INPP5D: variants seen among roughly 807,000 people sequenced by gnomAD.
INPP5D encodes phosphatidylinositol 3,4,5-trisphosphate 5-phosphatase 1.
In INPP5D, 33 loss-of-function variants were observed where a neutral mutation model predicts 122.9. The observed-to-expected ratio is 0.27, with a 90% confidence interval of 0.20 to 0.36. INPP5D has a LOEUF of 0.36. Among genes scored for constraint, INPP5D ranks in the 10% least tolerant of loss-of-function variants. INPP5D has a pLI of 1.00. For missense variants in INPP5D, 1,053 were observed against 1,412.7 expected, an observed-to-expected ratio of 0.75 and a Z score of 4.08; for synonymous variants, 584 against 576.2, an observed-to-expected ratio of 1.01 and a Z score of -0.19.
At chr2:233,064,838 A>T (rs575190229) in intron 1 of INPP5D, among the ~76,000 whole-genome samples, 1 of 152,202 alleles carries the variant, frequency 6.6e-6, no homozygotes, top group South Asian at 2.1e-4. Context: ...CTGTGGTGTG[A>T]GCGGGTGGCT....
intron 2 of INPP5D, among the ~76,000 whole-genome samples, chr2:233,094,566 A>G (rs1189613123): frequency 1.3e-5 from 2 of 148,338 alleles, no homozygotes; most frequent in African/African-American, 4.9e-5. Flanking sequence ...CTGCTGGAAA[A>G]TTTAAAATTG....
intron 2 of INPP5D, among the ~76,000 whole-genome samples, chr2:233,113,238 C>T (rs937799066): frequency 1.3e-5 from 2 of 152,100 alleles, no homozygotes; most frequent in Non-Finnish European, 2.9e-5. Flanking sequence ...CTTCTAAGGC[C>T]CTCGTCATGT....
intron 2 of INPP5D, among the ~76,000 whole-genome samples, chr2:233,107,245 C>A (rs1054074978): frequency 1.1e-4 from 16 of 152,134 alleles, no homozygotes; most frequent in African/African-American, 3.9e-4. Context: ...GGAGGATGGC[C>A]TGATTCCACA....
At position 233,183,151 on chromosome 2, in the gene INPP5D, G is replaced by T. The variant is rs960103599; in HGVS notation, c.2161+652G>T. ...GCCAGGCCACCCTCATCCCAGCTGGGCCAGGTGTTCTCTGTAATGTGCCCA... is the reference window on the plus strand; with the variant it reads ...GCCAGGCCACCCTCATCCCAGCTGGTCCAGGTGTTCTCTGTAATGTGCCCA... On this transcript the variant is annotated intron_variant, in intron 19 of 26. Coordinates refer to ENST00000445964, the MANE Select transcript of INPP5D (RefSeq NM_001017915.3). The surrounding 1 kb of genome is among the most constrained non-coding windows in gnomAD (Gnocchi z 4.6). Among the ~76,000 whole-genome samples the T allele has an allele frequency of 1.3e-5, 2 of 152,146 alleles. No homozygotes were observed. Among genetic ancestry groups the T allele is most frequent in the African/African-American group, 4.8e-5 (2 of 41,428 alleles).
intron 11 of INPP5D, among the ~76,000 whole-genome samples, 165 bp from the exon 12 acceptor site, chr2:233,163,542 G>A (rs1694248193): frequency 6.6e-6 from 1 of 152,188 alleles, no homozygotes; most frequent in East Asian, 1.9e-4. Flanking sequence ...CATCCTGGGT[G>A]AGGTTGGCGC....
intron 1 of INPP5D, among the ~76,000 whole-genome samples, chr2:233,068,217 A>AT (rs1691277285): frequency 6.7e-6 from 1 of 149,504 alleles, no homozygotes; most frequent in Non-Finnish European, 1.5e-5. Flanking sequence ...CTTGGGAGGC[A>AT]GAGGTTGTGG....
At chr2:233,139,034 G>C (rs1289830275) in intron 5 of INPP5D, among the ~76,000 whole-genome samples, 1 of 151,998 alleles carries the variant, frequency 6.6e-6, no homozygotes, top group African/African-American at 2.4e-5. Flanking sequence ...GATTACAGGC[G>C]TGAGCCACCG....
Position 233,170,324 on chromosome 2 carries a change from C to T in INPP5D, c.1791+160C>T, listed in dbSNP as rs554643974. On this transcript the variant is annotated intron_variant, in intron 15 of 26. Coordinates refer to ENST00000445964, the MANE Select transcript of INPP5D (RefSeq NM_001017915.3). The surrounding 1 kb of genome is among the most constrained non-coding windows in gnomAD (Gnocchi z 4.5). ...GCTGTTTCCATTACTGAGCCTCAGCCGCTCCTCACGGTTCCCCTGTGCTCA... is the reference window on the plus strand; with the variant it reads ...GCTGTTTCCATTACTGAGCCTCAGCTGCTCCTCACGGTTCCCCTGTGCTCA... 2.7e-4 allele frequency: 400 copies of T among 1,477,588 alleles called. 7 individuals are homozygous for T. In the South Asian group the frequency reaches 4.5e-3, roughly 17 times the overall value. 91.5% of individuals were successfully genotyped at this position (1,477,588 alleles called of 1,614,324 possible). A position where few individuals can be genotyped will look rare whatever the true frequency, so the allele number is the denominator to read the frequency against.
intron 13 of INPP5D, among the ~76,000 whole-genome samples, chr2:233,166,252 A>C (rs1307320505): frequency 1.3e-5 from 2 of 151,790 alleles, no homozygotes; most frequent in Non-Finnish European, 1.5e-5. Flanking sequence ...ATATGCTCGG[A>C]CCTCCTAGGG....
chr2:233,179,320 A>G (rs1472966052), intron 18 of INPP5D, among the ~76,000 whole-genome samples: 1 of 152,094 alleles, frequency 6.6e-6, no homozygotes, highest in Non-Finnish European at 1.5e-5. Context: ...CCCTGTCAAT[A>G]CTGTCCTTCC....
chr2:233,192,559 G>T (rs370284887), intron 22 of INPP5D, among the ~76,000 whole-genome samples: 8 of 152,200 alleles, frequency 5.3e-5, no homozygotes, highest in African/African-American at 1.9e-4. Flanking sequence ...CCCCATCTTT[G>T]TGACTGTTCC....
At chr2:233,103,387 T>C (rs1423718561) in intron 2 of INPP5D, among the ~76,000 whole-genome samples, 1 of 152,248 alleles carries the variant, frequency 6.6e-6, no homozygotes. Flanking sequence ...TCCTGGTCTA[T>C]GTTCCTGGGT....
intron 2 of INPP5D, among the ~76,000 whole-genome samples, chr2:233,095,263 G>A (rs527522046): frequency 6.6e-6 from 1 of 152,308 alleles, no homozygotes; most frequent in East Asian, 1.9e-4. Context: ...ATACATAAGA[G>A]TGTTGAGATA....
At chr2:233,071,570 G>A (rs1404276986) in intron 1 of INPP5D, among the ~76,000 whole-genome samples, 1 of 151,960 alleles carries the variant, frequency 6.6e-6, no homozygotes, top group Non-Finnish European at 1.5e-5. Flanking sequence ...TTGCCAAGTT[G>A]GAGAAAACTA....
rs150291778 is a variant in INPP5D, at chr2:233,154,852, G to C, written c.1031-3461G>C. 1.8e-3 allele frequency among the ~76,000 whole-genome samples: 276 copies of C among 152,314 alleles called. 3 individuals carry two copies. Among genetic ancestry groups the C allele is most frequent in the African/African-American group, 6.4e-3 (265 of 41,560 alleles). On this transcript the variant is annotated intron_variant, in intron 9 of 26. Transcript: ENST00000445964. ...GTCCTGTTAAGAATTCCTTCGCCTA[G>C]GCAAAACTTCTGATGGGCTTTTGTT... is the stretch of plus-strand genomic sequence containing the variant.
chr2:233,193,794 C>T lies in INPP5D; in HGVS notation c.2447-18C>T, dbSNP rs1695111588. The T allele has an allele frequency of 1.2e-6, 2 of 1,613,730 alleles. No homozygotes were observed. Among genetic ancestry groups the T allele is most frequent in the African/African-American group, 1.3e-5 (1 of 74,930 alleles). On this transcript the variant is annotated intron_variant, in intron 22 of 26. Coordinates refer to ENST00000445964, the MANE Select transcript of INPP5D (RefSeq NM_001017915.3). ...AAAGGCAGGGTCTTCACCCAGCTGT[C>T]TCCCACTTTCCCTGCAGGCGAGGGC... is the stretch of plus-strand genomic sequence containing the variant.
intron 4 of INPP5D, among the ~76,000 whole-genome samples, chr2:233,129,686 G>A (rs1693262542): frequency 6.6e-6 from 1 of 152,178 alleles, no homozygotes; most frequent in Non-Finnish European, 1.5e-5. Context: ...TCCCCCCACA[G>A]AGCCTGAGAT....
At chr2:233,138,176 C>T (rs1241213542) in intron 5 of INPP5D, among the ~76,000 whole-genome samples, 3 of 150,106 alleles carry the variant, frequency 2.0e-5, no homozygotes, top group Non-Finnish European at 4.4e-5. Flanking sequence ...ATGGCGAAGC[C>T]CCGTCTCTAC....
chr2:233,108,573 C>A (rs1041072999), intron 2 of INPP5D, among the ~76,000 whole-genome samples: 1 of 152,090 alleles, frequency 6.6e-6, no homozygotes, highest in Non-Finnish European at 1.5e-5. Context: ...CCTTTCTCTC[C>A]CCCCAAGTGC....
Sources: gnomAD v4.1 joint callset for allele counts (sites outside exome capture counted in the v4.1 genomes callset) on GRCh38, gnomAD v4.1.1 for gene constraint, Gnocchi (gnomAD v3.1) non-coding constraint, MANE v1.5 for transcripts, NCBI Gene and HGNC (gene_info 2026-07-23, HGNC 2026-07-21) for gene names.